The following PDZRN3 variants were observed in gnomAD, a reference collection of about 807,000 sequenced individuals.
PDZRN3 encodes PDZ domain containing ring finger 3.
PDZRN3 carries 38 observed loss-of-function variants against 85.7 expected under a neutral mutation model. The ratio of observed to expected loss-of-function variants is 0.44; its 90% CI spans 0.34 to 0.58. The LOEUF is 0.58. Among genes scored for constraint, PDZRN3 ranks in the 20% least tolerant of loss-of-function variants. PDZRN3 has a pLI of 0.01. For missense variants in PDZRN3, 1,629 were observed against 1,506.4 expected (o/e 1.08, Z -1.35); for synonymous variants, 759 against 638.0 (o/e 1.19, Z -2.86).
intron 3 of PDZRN3, among the ~76,000 whole-genome samples, chr3:73,427,991 G>A (rs1463213658): frequency 2.6e-5 from 4 of 152,164 alleles, no homozygotes; most frequent in Non-Finnish European, 5.9e-5. Flanking sequence ...TGAGCTCAAA[G>A]ATGAATTGGT....
chr3:73,561,908 A>C (rs527552239), intron 3 of PDZRN3, among the ~76,000 whole-genome samples: 102 of 151,588 alleles, frequency 6.7e-4, no homozygotes, highest in African/African-American at 2.4e-3. Flanking sequence ...AGAGAAACCC[A>C]AGTCATTTTT....
At chr3:73,581,247 A>G (rs186769204) in intron 3 of PDZRN3, among the ~76,000 whole-genome samples, 67 of 152,182 alleles carry the variant, frequency 4.4e-4, no homozygotes, top group Non-Finnish European at 7.2e-4. Context: ...CATATTTTAA[A>G]ACACACTAAA....
chr3:73,413,793 G>A (rs1702021700), intron 3 of PDZRN3, among the ~76,000 whole-genome samples: 1 of 152,154 alleles, frequency 6.6e-6, no homozygotes, highest in South Asian at 2.1e-4. Flanking sequence ...ATGTTCCAGT[G>A]AGAAGGATAC....
intron 5 of PDZRN3, among the ~76,000 whole-genome samples, chr3:73,395,601 A>G (rs1461989915): frequency 6.6e-6 from 1 of 152,218 alleles, no homozygotes; most frequent in Non-Finnish European, 1.5e-5. Context: ...TCAATGCTTT[A>G]TCCACCTCCA....
intron 3 of PDZRN3, among the ~76,000 whole-genome samples, chr3:73,408,597 G>GA (rs1701903385): frequency 1.3e-5 from 2 of 151,504 alleles, no homozygotes; most frequent in African/African-American, 4.9e-5. Flanking sequence ...GAGGGGGGGG[G>GA]GTGCAACAGA....
chr3:73,456,727 G>A (rs763369292), intron 3 of PDZRN3, among the ~76,000 whole-genome samples: 3 of 152,164 alleles, frequency 2.0e-5, no homozygotes, highest in African/African-American at 4.8e-5. Flanking sequence ...AGCAAGATAC[G>A]TAGGGCTGAA....
intron 3 of PDZRN3, among the ~76,000 whole-genome samples, chr3:73,494,601 G>A (rs549373934): frequency 4.6e-5 from 7 of 152,252 alleles, no homozygotes; most frequent in South Asian, 2.1e-4. Flanking sequence ...AAGTTTCACC[G>A]CAATTGTATA....
In PDZRN3 at chr3:73,391,948, G is replaced by C. The variant is rs141421808; in HGVS notation, c.1255-832C>G. Among the ~76,000 whole-genome samples, 154 of 152,260 alleles carry C rather than the reference G, an allele frequency of 1.0e-3. 2 individuals are homozygous for C. The highest frequency in any genetic ancestry group is 3.4e-3 in the African/African-American group (142 of 41,552). On this transcript the variant is annotated intron_variant, in intron 5 of 9. Coordinates refer to ENST00000263666, the MANE Select transcript of PDZRN3 (RefSeq NM_015009.3). ...TAGATCCTTTGGTCTAATTTTTAGTGTTATCTGCTCACCAAGCAGGAGAAT... is the reference window on the plus strand; with the variant it reads ...TAGATCCTTTGGTCTAATTTTTAGTCTTATCTGCTCACCAAGCAGGAGAAT...
chr3:73,582,073 C>T (rs1438690180), intron 3 of PDZRN3, among the ~76,000 whole-genome samples: 1 of 152,102 alleles, frequency 6.6e-6, no homozygotes, highest in African/African-American at 2.4e-5. Flanking sequence ...GCACTCCAGC[C>T]TGGGTGACAG....
intron 3 of PDZRN3, among the ~76,000 whole-genome samples, chr3:73,601,178 A>T (rs1702510366): frequency 6.6e-6 from 1 of 152,240 alleles, no homozygotes; most frequent in Non-Finnish European, 1.5e-5. Context: ...GAATGTGTCC[A>T]GATGAGACTG....
At chr3:73,458,485 T>G (rs887193142) in intron 3 of PDZRN3, among the ~76,000 whole-genome samples, 3 of 150,598 alleles carry the variant, frequency 2.0e-5, no homozygotes, top group Non-Finnish European at 4.4e-5. Flanking sequence ...TTTAAAGTAA[T>G]TTTTCTCCAA....
chr3:73,397,712 A>G (rs1211501271), intron 5 of PDZRN3, among the ~76,000 whole-genome samples: 1 of 152,190 alleles, frequency 6.6e-6, no homozygotes, highest in Non-Finnish European at 1.5e-5. Context: ...AGCCATCACC[A>G]CCACAGGACT....
chr3:73,497,830 C>T (rs1007942375), intron 3 of PDZRN3, among the ~76,000 whole-genome samples: 9 of 151,418 alleles, frequency 5.9e-5, no homozygotes, highest in Non-Finnish European at 1.2e-4. Flanking sequence ...AACAGCTCAG[C>T]GCAGTGATGG....
In PDZRN3 at chr3:73,384,371, C is replaced by A; in HGVS notation, c.2195G>T (p.Ser732Ile). The A allele has an allele frequency of 6.2e-7, 1 of 1,609,534 alleles. No homozygotes were observed. The highest frequency in any genetic ancestry group is 8.5e-7 in the Non-Finnish European group (1 of 1,179,946). The change falls in exon 10 of 10, where the codon AGC becomes ATC. Residue 732 changes from serine (S) to isoleucine (I), a missense_variant. Transcript: ENST00000263666. ...GAGCTCGTGTCTGCGCACGTCGATGCTGGTGTTGTAGTTGCGGAAGCCGCT... is the reference window on the plus strand; with the variant it reads ...GAGCTCGTGTCTGCGCACGTCGATGATGGTGTTGTAGTTGCGGAAGCCGCT... Reference protein sequence around the residue: ...HNSGFRNYNTSIDVRRHELSD... With the variant: ...HNSGFRNYNTIIDVRRHELSD...
intron 3 of PDZRN3, among the ~76,000 whole-genome samples, chr3:73,600,099 T>G (rs1391068024): frequency 6.6e-6 from 1 of 152,190 alleles, no homozygotes; most frequent in African/African-American, 2.4e-5. Flanking sequence ...TAAGAGCCGC[T>G]GCTCTGGTCT....
intron 1 of PDZRN3, among the ~76,000 whole-genome samples, chr3:73,618,905 G>A (rs926238197): frequency 2.0e-5 from 3 of 152,192 alleles, no homozygotes; most frequent in African/African-American, 7.2e-5. Context: ...ACTATGGAAT[G>A]GCCCTGTGCA....
intron 6 of PDZRN3, among the ~76,000 whole-genome samples, chr3:73,390,192 T>C (rs1402597695): frequency 2.0e-5 from 3 of 152,222 alleles, no homozygotes; most frequent in Admixed American, 1.3e-4. Flanking sequence ...ATCAATGATG[T>C]AGAACAGGTT....
At chr3:73,562,012 A>T (rs888567837) in intron 3 of PDZRN3, among the ~76,000 whole-genome samples, 1 of 151,952 alleles carries the variant, frequency 6.6e-6, no homozygotes, top group Admixed American at 6.6e-5. Context: ...CTTAAATTTC[A>T]GTGCTGTGTC....
chr3:73,496,169 C>A (rs553589256), intron 3 of PDZRN3, among the ~76,000 whole-genome samples: 1 of 151,962 alleles, frequency 6.6e-6, no homozygotes, highest in African/African-American at 2.4e-5. Context: ...AATGCACACA[C>A]GGTATATACA....
Sources: gnomAD v4.1 joint callset for allele counts (sites outside exome capture counted in the v4.1 genomes callset) on GRCh38, gnomAD v4.1.1 for gene constraint, MANE v1.5 for transcripts, NCBI Gene and HGNC (gene_info 2026-07-23, HGNC 2026-07-21) for gene names.